SAXO1: variants seen among roughly 807,000 people sequenced by gnomAD.
The protein encoded by SAXO1 is stabilizer of axonemal microtubules 1.
In SAXO1, 21 loss-of-function variants were observed where a neutral mutation model predicts 17.5. That is an observed-to-expected ratio of 1.20 (90% CI 0.85 to 1.72). The LOEUF (loss-of-function observed/expected upper bound fraction) is 1.72. SAXO1 is among the 40% of genes most tolerant of loss of function. The probability of loss-of-function intolerance (pLI) is 0.00; values close to 1 mark genes in which losing one functional copy is unlikely to be tolerated. For missense variants in SAXO1, 843 were observed against 596.0 expected (o/e 1.41, Z -4.32); for synonymous variants, 274 against 216.5 (o/e 1.27, Z -2.33).
intron 1 of SAXO1, among the ~76,000 whole-genome samples, chr9:18,988,447 T>A (rs1833678970): frequency 6.6e-6 from 1 of 152,242 alleles, no homozygotes; most frequent in Non-Finnish European, 1.5e-5. Context: ...GTGTTCCCAA[T>A]TAGACATTTA....
In SAXO1 at chr9:18,927,820, C is replaced by T. The variant is rs945443; in HGVS notation, c.*232G>A. On this transcript the variant is annotated 3_prime_UTR_variant, in exon 4 of 4. Coordinates refer to ENST00000380534, the MANE Select transcript of SAXO1 (RefSeq NM_153707.4). Reference sequence around the variant, plus strand: ...TAAGCACAAAGTAAAGGACCTGAAACGGGGTGGGGATGCAGTAAAGGAGAA... The same window carrying T: ...TAAGCACAAAGTAAAGGACCTGAAATGGGGTGGGGATGCAGTAAAGGAGAA... The T allele has an allele frequency of 0.015, 6,874 of 448,382 alleles. 93 individuals carry two copies. The highest frequency in any genetic ancestry group is 0.018 in the Non-Finnish European group (4,602 of 257,368). The allele number at this position is 448,382 out of a possible 1,614,324, so 27.8% of individuals were successfully genotyped here.
intron 2 of SAXO1, among the ~76,000 whole-genome samples, chr9:18,944,025 C>T (rs529991805): frequency 6.6e-5 from 10 of 152,350 alleles, no homozygotes; most frequent in East Asian, 3.9e-4. Context: ...CGGCTTCTAC[C>T]GGAAAAGAGC....
chr9:18,935,683 C>A (rs535590520), intron 3 of SAXO1, among the ~76,000 whole-genome samples: 7 of 152,318 alleles, frequency 4.6e-5, no homozygotes, highest in African/African-American at 1.2e-4. Context: ...TTCTCTGAAG[C>A]TCCCTTCTTA....
chr9:19,011,848 G>GTTTTTTTTTTTTTTTTTTTTTTTTTTT (rs10646825), intron 1 of SAXO1, among the ~76,000 whole-genome samples: 1 of 143,522 alleles, frequency 7.0e-6, no homozygotes. Flanking sequence ...ATTAAGCATA[G>GTTTTTTTTTTTTTTTTTTTTTTTTTTT]ATTTTTTTTT....
chr9:18,939,796 T>A (rs59906866), intron 3 of SAXO1, among the ~76,000 whole-genome samples: 20,415 of 152,240 alleles, frequency 0.13, 2,677 homozygotes, highest in African/African-American at 0.34. Flanking sequence ...AATGATTTTA[T>A]CGTTTGATAA....
chr9:19,021,535 A>G (rs1835232998), intron 1 of SAXO1, among the ~76,000 whole-genome samples: 1 of 152,150 alleles, frequency 6.6e-6, no homozygotes, highest in Non-Finnish European at 1.5e-5. Flanking sequence ...TGGACCTGAA[A>G]AAACACCGCT....
At chr9:18,981,950 C>T (rs548466353) in intron 1 of SAXO1, among the ~76,000 whole-genome samples, 2 of 152,296 alleles carry the variant, frequency 1.3e-5, no homozygotes, top group East Asian at 3.9e-4. Flanking sequence ...ATGAGCCGGA[C>T]CCTGACACAA....
chr9:19,036,547 GA>G (rs1050804940), upstream of SAXO1, among the ~76,000 whole-genome samples: 55 of 152,332 alleles, frequency 3.6e-4, no homozygotes, highest in African/African-American at 1.3e-3. Flanking sequence ...AGCCATGGCT[GA>G]AAGGGGCCAA....
chr9:19,036,875 T>C (rs1259248404), upstream of SAXO1, among the ~76,000 whole-genome samples: 1 of 152,028 alleles, frequency 6.6e-6, no homozygotes, highest in Non-Finnish European at 1.5e-5. Flanking sequence ...TTGCACTGTG[T>C]GCCTGGTAAA....
At chr9:19,042,870 G>A (rs1675942082) in intron 1 of SAXO1, among the ~76,000 whole-genome samples, 1 of 148,494 alleles carries the variant, frequency 6.7e-6, no homozygotes, top group African/African-American at 2.5e-5. Context: ...CTCATAAAGA[G>A]AAAGAAAGAA....
chr9:18,938,806 G>A (rs1262178614), intron 3 of SAXO1, among the ~76,000 whole-genome samples: 1 of 143,960 alleles, frequency 6.9e-6, no homozygotes, highest in Non-Finnish European at 1.5e-5. Context: ...GTGTGGTGGG[G>A]TGCATGCGTG....
chr9:19,036,657 G>C (rs1275981435), upstream of SAXO1, among the ~76,000 whole-genome samples: 1 of 152,164 alleles, frequency 6.6e-6, no homozygotes, highest in Non-Finnish European at 1.5e-5. Flanking sequence ...CAAGAATTGA[G>C]GTTTGGGAAT....
intron 1 of SAXO1, chr9:19,027,919 A>C: frequency 7.2e-7 from 1 of 1,393,504 alleles, no homozygotes. Flanking sequence ...ATGCAGATCC[A>C]CTCCCAAAAG....
intron 2 of SAXO1, among the ~76,000 whole-genome samples, chr9:18,950,405 G>A (rs1465410005): frequency 2.0e-5 from 3 of 151,914 alleles, no homozygotes; most frequent in Non-Finnish European, 4.4e-5. Flanking sequence ...AGCTTTTCAT[G>A]TAACAAAGCC....
At chr9:19,036,473 C>G (rs1049610267), upstream of SAXO1, among the ~76,000 whole-genome samples, 7 of 152,010 alleles carry the variant, frequency 4.6e-5, no homozygotes, top group Non-Finnish European at 1.0e-4. Flanking sequence ...TTTCATGGGC[C>G]GGGACCAGGG....
intron 1 of SAXO1, among the ~76,000 whole-genome samples, chr9:18,990,980 G>GGTGCACAA (rs1336055157): frequency 1.3e-5 from 2 of 152,150 alleles, no homozygotes; most frequent in African/African-American, 4.8e-5. Context: ...GCACAAGGCG[G>GGTGCACAA]GGCATGGTGA....
At chr9:19,035,670 T>C (rs537934385), upstream of SAXO1, among the ~76,000 whole-genome samples, 4 of 152,328 alleles carry the variant, frequency 2.6e-5, no homozygotes, top group South Asian at 8.3e-4. Context: ...AAAATGCTGA[T>C]AGCGATATGG....
intron 1 of SAXO1, among the ~76,000 whole-genome samples, chr9:18,976,717 C>A (rs561153590): frequency 6.6e-6 from 1 of 152,308 alleles, no homozygotes; most frequent in South Asian, 2.1e-4. Context: ...TAATCTTACA[C>A]GTTGCGTGAT....
chr9:18,943,800 GC>G (rs1471897753), intron 2 of SAXO1, among the ~76,000 whole-genome samples: 1 of 152,204 alleles, frequency 6.6e-6, no homozygotes, highest in African/African-American at 2.4e-5. Flanking sequence ...CGCCTGAGCT[GC>G]CGTGCTGAGC....
Sources: gnomAD v4.1 joint callset for allele counts (sites outside exome capture counted in the v4.1 genomes callset) on GRCh38, gnomAD v4.1.1 for gene constraint, MANE v1.5 for transcripts, NCBI Gene and HGNC (gene_info 2026-07-23, HGNC 2026-07-21) for gene names.